ATP11C: variants seen among roughly 807,000 people sequenced by gnomAD.
ATP11C encodes ATPase phospholipid transporting 11C (ATP11C blood group).
Under a neutral mutation model 97.4 loss-of-function variants are expected in ATP11C, and 36 were observed. The ratio of observed to expected loss-of-function variants is 0.37; its 90% confidence interval spans 0.28 to 0.49. The LOEUF is 0.49. Ranked by LOEUF, ATP11C falls within the 20% of genes least tolerant of loss-of-function variation. The pLI, the probability that ATP11C is intolerant of heterozygous loss-of-function variation, is 0.98. For synonymous variants in ATP11C, 275 were observed against 290.9 expected (o/e 0.95, Z 0.56); for missense variants, 730 against 824.6 (o/e 0.89, Z 1.40).
At chrX:139,920,186 G>A (rs762180857) in intron 1 of ATP11C, among the ~76,000 whole-genome samples, 55 of 108,630 alleles carry the variant, frequency 5.1e-4, no homozygotes, top group South Asian at 2.0e-3. Flanking sequence ...GCAAAACCCC[G>A]TCTCTACTAA....
chrX:139,929,955 G>A (rs974617504), intron 1 of ATP11C, among the ~76,000 whole-genome samples: 5 of 111,099 alleles, frequency 4.5e-5, no homozygotes, highest in African/African-American at 6.6e-5. Context: ...TCAGTCCAAC[G>A]GTATGCAGAT....
intron 1 of ATP11C, among the ~76,000 whole-genome samples, chrX:139,867,310 A>G (rs1446554810): frequency 2.7e-5 from 3 of 110,828 alleles, no homozygotes; most frequent in Middle Eastern, 4.6e-3. Context: ...GTAGACAGCA[A>G]TAAGTGCCAA....
rs1320845986 is a variant in ATP11C at position 139,731,717 on chromosome X, G to A, written c.3327C>T (p.Ser1109=). Reference sequence around the variant, plus strand: ...GAAGAGGTCTGACTGAAGGTCTGGCGGATAATGAGTCAGATGCCCTTCTAC... The same window carrying A: ...GAAGAGGTCTGACTGAAGGTCTGGCAGATAATGAGTCAGATGCCCTTCTAC... ...LSCRRASDSL[S]ARPSVRPLLL... The change falls in exon 29 of 30, where the codon TCC becomes TCT. Residue 1109 remains serine (S), a synonymous_variant. Coordinates refer to ENST00000682941, the MANE Select transcript of ATP11C (RefSeq NM_001353812.2). 13 of 1,192,916 alleles carry A rather than the reference G, an allele frequency of 1.1e-5. No homozygotes were observed. The highest frequency in any genetic ancestry group is 3.5e-5 in the African/African-American group (2 of 56,566).
chrX:139,765,685 T>C (rs145571870), intron 20 of ATP11C, among the ~76,000 whole-genome samples: 1,851 of 112,215 alleles, frequency 0.016, 30 homozygotes, highest in African/African-American at 0.056. Flanking sequence ...TAGATCTGGC[T>C]TGCCCAGATC....
chrX:139,844,408 C>T (rs1286828635), intron 1 of ATP11C, among the ~76,000 whole-genome samples: 2 of 111,924 alleles, frequency 1.8e-5, no homozygotes, highest in Non-Finnish European at 3.8e-5. Context: ...TGTCATACCA[C>T]GTGGCCCTGC....
intron 29 of ATP11C, 119 bp from the exon 30 acceptor site, chrX:139,729,081 C>CAA: frequency 2.0e-6 from 1 of 495,273 alleles, no homozygotes; most frequent in Non-Finnish European, 3.3e-6. Context: ...ACTGTCTTAA[C>CAA]AAAGTGCCAA....
intron 12 of ATP11C, among the ~76,000 whole-genome samples, chrX:139,790,688 CAACATT>C (rs1246349549): frequency 9.0e-6 from 1 of 111,075 alleles, no homozygotes; most frequent in East Asian, 2.8e-4. Context: ...GAATTAATAA[CAACATT>C]AACAGTTACC....
At chrX:139,861,513 A>G (rs2084195715) in intron 1 of ATP11C, among the ~76,000 whole-genome samples, 1 of 111,293 alleles carries the variant, frequency 9.0e-6, no homozygotes, top group Non-Finnish European at 1.9e-5. Context: ...AAAGCATTTC[A>G]TATGTATTGA....
chrX:139,739,280 AGTT>A (rs1209051935), intron 27 of ATP11C, among the ~76,000 whole-genome samples: 2 of 109,604 alleles, frequency 1.8e-5, no homozygotes, highest in African/African-American at 6.6e-5. Flanking sequence ...TAATGCATCC[AGTT>A]GTTTTTTGTT....
chrX:139,766,623 T>C (rs188070219), intron 20 of ATP11C, among the ~76,000 whole-genome samples: 185 of 111,391 alleles, frequency 1.7e-3, no homozygotes, highest in African/African-American at 5.3e-3. Context: ...CGTGTGTGTG[T>C]GCGCGCGCAC....
At chrX:139,911,417 G>A (rs935576091) in intron 1 of ATP11C, among the ~76,000 whole-genome samples, 1 of 111,438 alleles carries the variant, frequency 9.0e-6, no homozygotes, top group African/African-American at 3.3e-5. Context: ...TAATATCATC[G>A]TGAAATAAAA....
intron 1 of ATP11C, among the ~76,000 whole-genome samples, chrX:139,894,648 C>CA (rs961454017): frequency 2.4e-3 from 254 of 106,697 alleles, no homozygotes; most frequent in Non-Finnish European, 3.3e-3. Flanking sequence ...ATGTTTCCAG[C>CA]AAAAAAAAAG....
chrX:139,906,723 A>G (rs1603416205), intron 1 of ATP11C, among the ~76,000 whole-genome samples: 1 of 109,196 alleles, frequency 9.2e-6, no homozygotes, highest in Non-Finnish European at 1.9e-5. Flanking sequence ...CAGAGGTTGC[A>G]GTGAGCCGAG....
rs1448210133 is a variant in ATP11C at position 139,726,645 on chromosome X, G to GT, written c.*2320dup. ...GGCTTACATTTATACTGTTGCTGGT[G>GT]TATGTGTAAGTAGATATGGAATGAA... On this transcript the variant is annotated 3_prime_UTR_variant, in exon 30 of 30. Transcript: ENST00000682941. 8.9e-6 allele frequency: 1 copy of GT among 112,616 alleles called. No individual in the cohort carries two copies. The highest frequency in any genetic ancestry group is 1.9e-5 in the Non-Finnish European group (1 of 53,255). 9.3% of individuals were successfully genotyped at this position (112,616 alleles called of 1,213,427 possible).
chrX:139,914,611 T>C (rs1009287360), intron 1 of ATP11C, among the ~76,000 whole-genome samples: 4 of 112,025 alleles, frequency 3.6e-5, no homozygotes, highest in Non-Finnish European at 3.8e-5. Context: ...CTCCATAATG[T>C]GGGTGGGCCT....
chrX:139,836,447 G>A (rs1224911164), intron 1 of ATP11C, among the ~76,000 whole-genome samples: 3 of 110,976 alleles, frequency 2.7e-5, no homozygotes, highest in South Asian at 7.7e-4. Flanking sequence ...CCTGGGAGCC[G>A]GAGGTTGCAG....
chrX:139,905,578 T>C (rs2084961486), intron 1 of ATP11C, among the ~76,000 whole-genome samples: 1 of 111,682 alleles, frequency 9.0e-6, no homozygotes, highest in Non-Finnish European at 1.9e-5. Context: ...TACTCCAACC[T>C]AGGGATGTTG....
intron 13 of ATP11C, 136 bp from the exon 14 acceptor site, chrX:139,788,479 T>C: frequency 3.6e-6 from 2 of 558,287 alleles, no homozygotes; most frequent in Non-Finnish European, 5.8e-6. Context: ...ACGTATAAAT[T>C]CTTAACACTC....
intron 7 of ATP11C, among the ~76,000 whole-genome samples, chrX:139,801,050 T>C (rs1443987616): frequency 8.9e-6 from 1 of 112,172 alleles, no homozygotes; most frequent in Non-Finnish European, 1.9e-5. Flanking sequence ...GTACAAGGTA[T>C]TCCGAAGTCA....
Sources: allele counts gnomAD v4.1 joint callset (sites outside exome capture counted in the v4.1 genomes callset), GRCh38; gene constraint gnomAD v4.1.1; transcripts MANE v1.5; gene names NCBI Gene and HGNC (gene_info 2026-07-23, HGNC 2026-07-21).